Variants in MTUS1 observed in about 807,000 individuals in gnomAD.
MTUS1 encodes the protein microtubule-associated tumor suppressor 1.
MTUS1 carries 109 observed loss-of-function variants against 120.8 expected under a neutral mutation model. That is an observed-to-expected ratio of 0.90 (90% confidence interval 0.77 to 1.06). MTUS1 has a LOEUF of 1.06. Among genes scored for constraint, MTUS1 ranks in the 50% least tolerant of loss-of-function variants. The probability of loss-of-function intolerance (pLI) is 0.00; values close to 1 mark genes in which losing one functional copy is unlikely to be tolerated. For missense variants in MTUS1, 2,210 were observed against 1,486.3 expected (o/e 1.49, Z -8.01); for synonymous variants, 737 against 550.5 (o/e 1.34, Z -4.74).
intron 8 of MTUS1, among the ~76,000 whole-genome samples, chr8:17,660,648 A>G (rs1809479861): frequency 6.6e-6 from 1 of 152,202 alleles, no homozygotes; most frequent in Non-Finnish European, 1.5e-5. Context: ...CATTCCCATC[A>G]GCAGTACTAC....
In MTUS1 at chr8:17,776,241, T is replaced by C. The variant is rs577316177; in HGVS notation, c.-154-20280A>G. Among the ~76,000 whole-genome samples the C allele has an allele frequency of 2.0e-5, 3 of 152,262 alleles. No homozygotes were observed. In the South Asian group the frequency reaches 6.2e-4, roughly 32 times the overall value. On this transcript the variant is annotated intron_variant, in intron 1 of 14. Transcript: ENST00000693296. Reference sequence around the variant, plus strand: ...GTATTAAAAGTAACCTAGAGATGGTTTACAGTCTATGGAAGGATGTGTTTT... The same window carrying C: ...GTATTAAAAGTAACCTAGAGATGGTCTACAGTCTATGGAAGGATGTGTTTT...
At chr8:17,790,989 C>A (rs527660608) in intron 1 of MTUS1, among the ~76,000 whole-genome samples, 3 of 151,894 alleles carry the variant, frequency 2.0e-5, no homozygotes, top group Admixed American at 1.3e-4. Context: ...TCGGTGGGGG[C>A]GGGGAGAAGT....
intron 6 of MTUS1, among the ~76,000 whole-genome samples, chr8:17,688,452 C>T (rs1328553236): frequency 6.6e-6 from 1 of 152,198 alleles, no homozygotes; most frequent in African/African-American, 2.4e-5. Context: ...TAAGTCCTTT[C>T]TACAACATAT....
intron 8 of MTUS1, among the ~76,000 whole-genome samples, chr8:17,672,460 T>A (rs1052637483): frequency 2.0e-5 from 3 of 152,176 alleles, no homozygotes; most frequent in Admixed American, 2.0e-4. Flanking sequence ...AACATCAGCC[T>A]AACCACTTTA....
intron 8 of MTUS1, among the ~76,000 whole-genome samples, chr8:17,656,440 A>C (rs574545089): frequency 6.6e-6 from 1 of 151,546 alleles, no homozygotes; most frequent in Admixed American, 6.6e-5. Context: ...AGGCAGGAGA[A>C]TTGCTTGAAC....
intron 14 of MTUS1, among the ~76,000 whole-genome samples, chr8:17,646,604 A>G (rs1805844445): frequency 6.6e-6 from 1 of 152,156 alleles, no homozygotes. Context: ...ATATATAATA[A>G]TAACTGTACT....
intron 2 of MTUS1, among the ~76,000 whole-genome samples, chr8:17,745,175 C>G (rs144768643): frequency 6.6e-6 from 1 of 152,130 alleles, no homozygotes; most frequent in Non-Finnish European, 1.5e-5. Flanking sequence ...GTATTAGCTA[C>G]GTGAAAGGAA....
chr8:17,737,675 C>G (rs1353216490), intron 3 of MTUS1, among the ~76,000 whole-genome samples: 1 of 152,100 alleles, frequency 6.6e-6, no homozygotes, highest in Non-Finnish European at 1.5e-5. Context: ...TTTGTAAAGA[C>G]AGGGTCTCAC....
chr8:17,645,908 G>A lies in MTUS1; in HGVS notation c.*18C>T, dbSNP rs747027671. The A allele has an allele frequency of 8.1e-6, 13 of 1,604,878 alleles. No homozygotes were observed. The highest frequency in any genetic ancestry group is 2.7e-5 in the African/African-American group (2 of 74,812). On this transcript the variant is annotated 3_prime_UTR_variant, in exon 15 of 15. Transcript: ENST00000693296. ...GCATCAAAATGCTTTCAGAGAGTCT[G>A]TGGACTTTGGGGAGGTGTCATCTGG...
chr8:17,789,539 G>C (rs1043155412), intron 1 of MTUS1, among the ~76,000 whole-genome samples: 5 of 152,080 alleles, frequency 3.3e-5, no homozygotes, highest in Admixed American at 3.3e-4. Flanking sequence ...AGTCCACTTG[G>C]TGAAAAGGAA....
chr8:17,707,617 G>C (rs906262631), intron 6 of MTUS1, among the ~76,000 whole-genome samples: 1 of 152,138 alleles, frequency 6.6e-6, no homozygotes, highest in African/African-American at 2.4e-5. Flanking sequence ...AACCTCACCT[G>C]ACTTCATTAC....
At chr8:17,746,178 C>A (rs1487544405) in intron 2 of MTUS1, among the ~76,000 whole-genome samples, 1 of 152,146 alleles carries the variant, frequency 6.6e-6, no homozygotes, top group Non-Finnish European at 1.5e-5. Flanking sequence ...CTAGCCTTGG[C>A]CCTGTTCTCT....
At chr8:17,781,877 C>T (rs948661759) in intron 1 of MTUS1, among the ~76,000 whole-genome samples, 10 of 152,088 alleles carry the variant, frequency 6.6e-5, no homozygotes, top group Admixed American at 2.0e-4. Context: ...ATCATGAGGC[C>T]GCCTTTAGAG....
rs376759161 is a variant in MTUS1, at chr8:17,753,833, T to A, written c.1975A>T (p.Ile659Phe). The A allele has an allele frequency of 2.5e-6, 4 of 1,614,208 alleles. No individual in the cohort carries two copies. Among genetic ancestry groups the A allele is most frequent in the African/African-American group, 1.3e-5 (1 of 75,060 alleles). The part of the protein sequence containing the change: ...ECLEMTYVPN[I>F]DRISPEKKGE... ...TTCTTTTCAGGGCTAATCCTATCAA[T>A]GTTGGGAACATAGGTCATTTCCAAA... Residue 659 changes from isoleucine (I) to phenylalanine (F), a missense_variant, in exon 2 of 15, where the codon ATT becomes TTT. Transcript: ENST00000693296.
In MTUS1 at chr8:17,743,744, G is replaced by A. The variant is rs367658119; in HGVS notation, c.2147C>T (p.Ser716Phe). ...TSGRNISKPD[S>F]CGLRQIAAPK... ...AGCAGCTATTTGCCTCAAACCGCAG[G>A]AGTCAGGCTTGGATATATTCCTACC... Residue 716 changes from serine to phenylalanine, a missense_variant, in exon 3 of 15, where the codon TCC becomes TTC. By Grantham distance (155) the Ser-to-Phe change is radical (BLOSUM62 -2). Transcript: ENST00000693296. The A allele has an allele frequency of 2.6e-5, 42 of 1,614,044 alleles. No individual in the cohort carries two copies. The highest frequency in any genetic ancestry group is 3.5e-5 in the Non-Finnish European group (41 of 1,180,038).
intron 6 of MTUS1, among the ~76,000 whole-genome samples, chr8:17,708,534 G>C (rs1310428739): frequency 6.6e-6 from 1 of 152,206 alleles, no homozygotes; most frequent in Non-Finnish European, 1.5e-5. Flanking sequence ...TTGGAAAACA[G>C]CCTGGAGGTT....
intron 6 of MTUS1, among the ~76,000 whole-genome samples, chr8:17,685,596 G>A (rs1376525256): frequency 6.6e-6 from 1 of 152,058 alleles, no homozygotes; most frequent in Non-Finnish European, 1.5e-5. Flanking sequence ...AATTTTTCAG[G>A]AAAAGGCAAG....
intron 8 of MTUS1, among the ~76,000 whole-genome samples, chr8:17,672,463 C>T (rs900856606): frequency 7.9e-5 from 12 of 152,154 alleles, no homozygotes; most frequent in Non-Finnish European, 1.3e-4. Context: ...ATCAGCCTAA[C>T]CACTTTACTG....
intron 2 of MTUS1, among the ~76,000 whole-genome samples, chr8:17,744,689 C>CTTTTTTTTTTTTTTTTTTTTTTTTTT (rs58283163): frequency 1.4e-4 from 14 of 99,020 alleles, no homozygotes; most frequent in African/African-American, 2.0e-4. Context: ...ACCATGTTTT[C>CTTTTTTTTTTTTTTTTTTTTTTTTTT]TTTTTTTTTT....
Sources: gnomAD v4.1 joint callset for allele counts (sites outside exome capture counted in the v4.1 genomes callset) on GRCh38, gnomAD v4.1.1 for gene constraint, MANE v1.5 for transcripts, NCBI Gene and HGNC (gene_info 2026-07-23, HGNC 2026-07-21) for gene names.